Variants in TCHP observed in about 807,000 individuals in gnomAD.
TCHP encodes trichoplein keratin filament-binding protein.
Under a neutral mutation model 88.7 loss-of-function variants are expected in TCHP, and 81 were observed. The ratio of observed to expected loss-of-function variants is 0.91; its 90% confidence interval spans 0.76 to 1.10. The LOEUF (loss-of-function observed/expected upper bound fraction) is 1.10, where lower values mean the gene tolerates loss of function less well. Among genes scored for constraint, TCHP ranks in the 50% least tolerant of loss-of-function variants. The pLI is 0.00. For missense variants in TCHP, 641 were observed against 632.1 expected (o/e 1.01, Z -0.15); for synonymous variants, 232 against 232.5 (o/e 1.00, Z 0.02).
rs779075765 is a variant in TCHP at position 109,903,256 on chromosome 12, A to G, written c.188+42A>G. 6.4e-7 allele frequency: 1 copy of G among 1,571,688 alleles called. No individual in the cohort carries two copies. The highest frequency in any genetic ancestry group is 8.7e-7 in the Non-Finnish European group (1 of 1,149,720). ...TGCCGATTGGATGGAAGTGGGGACCACTTGCTGGTCAGGGGATGAGGCCTT... is the reference window on the plus strand; with the variant it reads ...TGCCGATTGGATGGAAGTGGGGACCGCTTGCTGGTCAGGGGATGAGGCCTT... On this transcript the variant is annotated intron_variant, in intron 2 of 12. Coordinates refer to ENST00000405876, the MANE Select transcript of TCHP (RefSeq NM_001143852.2). This position sits in a 1 kb window ranked among gnomAD's most constrained non-coding sequence, Gnocchi z 4.6.
In TCHP at chr12:109,914,374, A is replaced by G. The variant is rs1346672451; in HGVS notation, c.1135-68A>G. The G allele has an allele frequency of 2.3e-5, 33 of 1,464,562 alleles. No individual in the cohort carries two copies. The Admixed American group carries it at 6.3e-4, about 28-fold the overall frequency. The allele number at this position is 1,464,562 out of a possible 1,614,324, so 90.7% of individuals were successfully genotyped here. On this transcript the variant is annotated intron_variant, in intron 10 of 12. Transcript: ENST00000405876. Reference sequence around the variant, plus strand: ...GCCTTGCTGTGGCTGCAGCCTGTCCAAGGCTTGTAGAACCAGGATCTGTTA... The same window carrying G: ...GCCTTGCTGTGGCTGCAGCCTGTCCGAGGCTTGTAGAACCAGGATCTGTTA...
At chr12:109,910,770 T>C (rs1348421843) in intron 8 of TCHP, among the ~76,000 whole-genome samples, 1 of 152,230 alleles carries the variant, frequency 6.6e-6, no homozygotes. Flanking sequence ...TTTGCCAAGT[T>C]GTATTCCAAA....
chr12:109,883,724 C>T, the TCHP span, among the ~76,000 whole-genome samples: 1 of 152,212 alleles, frequency 6.6e-6, no homozygotes, highest in Non-Finnish European at 1.5e-5. Flanking sequence ...CAACACTTTC[C>T]ATTCCAAACA....
Position 109,912,828 on chromosome 12 carries a change from C to T in TCHP, c.1053-163C>T, listed in dbSNP as rs558890810. The T allele has an allele frequency of 5.5e-4, 350 of 630,912 alleles. 1 individual carries two copies. The highest frequency in any genetic ancestry group is 7.6e-4 in the Non-Finnish European group (267 of 350,454). 39.1% of individuals were successfully genotyped at this position (630,912 alleles called of 1,614,324 possible). A position where few individuals can be genotyped will look rare whatever the true frequency, so the allele number is the denominator to read the frequency against. On this transcript the variant is annotated intron_variant, in intron 9 of 12. Coordinates refer to ENST00000405876, the MANE Select transcript of TCHP (RefSeq NM_001143852.2). ...ATGAAAAACTTCCAACAGTACTTTC[C>T]GTGGATGCTGTCCTTAATTGTAATC...
chr12:109,889,030 CAAAAA>C, the TCHP span, among the ~76,000 whole-genome samples: 2 of 101,034 alleles, frequency 2.0e-5, no homozygotes, highest in Non-Finnish European at 2.1e-5. Flanking sequence ...GTCCTGTCAC[CAAAAA>C]AAAAAAAAAA....
intron 6 of TCHP, 128 bp downstream of exon 6, chr12:109,907,827 C>T (rs1044720149): frequency 7.8e-6 from 8 of 1,021,620 alleles, no homozygotes; most frequent in South Asian, 5.3e-5. Flanking sequence ...CGGCAGCAGC[C>T]GGGTTCTCCC....
Position 109,905,242 on chromosome 12 carries a change from G to A in TCHP, c.456+449G>A, listed in dbSNP as rs1029234319. On this transcript the variant is annotated intron_variant, in intron 4 of 12. Coordinates refer to ENST00000405876, the MANE Select transcript of TCHP (RefSeq NM_001143852.2). This position sits in a 1 kb window ranked among gnomAD's most constrained non-coding sequence, Gnocchi z 4.0. The stretch of plus-strand genomic sequence containing the variant: ...TGAGGAAAGGATGTTCTAGGTTGAT[G>A]TGACTGTGAGAACCAGGCTTGAGAC... Among the ~76,000 whole-genome samples, 6 of 152,216 alleles carry A rather than the reference G, an allele frequency of 3.9e-5. No individual in the cohort carries two copies. Among genetic ancestry groups the A allele is most frequent in the African/African-American group, 1.4e-4 (6 of 41,460 alleles).
chr12:109,903,265 TC>T lies in TCHP; in HGVS notation c.188+52del. On this transcript the variant is annotated intron_variant, in intron 2 of 12. Coordinates refer to ENST00000405876, the MANE Select transcript of TCHP (RefSeq NM_001143852.2). This position sits in a 1 kb window ranked among gnomAD's most constrained non-coding sequence, Gnocchi z 4.6. ...GATGGAAGTGGGGACCACTTGCTGG[TC>T]AGGGGATGAGGCCTTAAGGATTTAG... is the stretch of plus-strand genomic sequence containing the variant. 6.4e-7 allele frequency: 1 copy of T among 1,552,498 alleles called. No individual in the cohort carries two copies.
At chr12:109,915,742 G>C (rs539111946) in intron 12 of TCHP, among the ~76,000 whole-genome samples, 196 bp downstream of exon 12, 67 of 152,306 alleles carry the variant, frequency 4.4e-4, no homozygotes, top group Non-Finnish European at 7.4e-4. Flanking sequence ...TCCAGTCCTT[G>C]GTTGGGCCTC....
At chr12:109,916,314 A>C (rs946779775) in intron 12 of TCHP, among the ~76,000 whole-genome samples, 8 of 152,252 alleles carry the variant, frequency 5.3e-5, no homozygotes, top group African/African-American at 1.9e-4. Context: ...TGTCACAGTC[A>C]CAGGGAACAG....
the TCHP span, among the ~76,000 whole-genome samples, chr12:109,889,551 C>T: frequency 6.6e-6 from 1 of 152,152 alleles, no homozygotes; most frequent in African/African-American, 2.4e-5. Context: ...CTCACTCCAG[C>T]CTCTGCCTCC....
At chr12:109,899,863 G>A (rs1195452138), upstream of TCHP, among the ~76,000 whole-genome samples, 1 of 151,930 alleles carries the variant, frequency 6.6e-6, no homozygotes, top group South Asian at 2.1e-4. Flanking sequence ...CAGTGGCACA[G>A]TCATGGCTCA....
In TCHP at chr12:109,908,907, C is replaced by T. The variant is rs1426905841; in HGVS notation, c.849C>T (p.Ser283=). The stretch of plus-strand genomic sequence containing the variant: ...GACATCAGTATAACGCTCAACTCAG[C>T]AGACGCACACAGCAGATCCAAGAGG... ...FLRHQYNAQL[S]RRTQQIQEEL... is the part of the protein sequence containing the mutation. The change falls in exon 8 of 13, where the codon AGC becomes AGT. Residue 283 remains serine, a synonymous_variant. Coordinates refer to ENST00000405876, the MANE Select transcript of TCHP (RefSeq NM_001143852.2). 2 of 1,614,226 alleles carry T rather than the reference C, an allele frequency of 1.2e-6. No homozygotes were observed. The highest frequency in any genetic ancestry group is 1.3e-5 in the African/African-American group (1 of 75,062).
intron 9 of TCHP, 46 bp downstream of exon 9, chr12:109,911,281 C>CT (rs1414221608): frequency 1.8e-6 from 2 of 1,121,914 alleles, no homozygotes; most frequent in East Asian, 2.6e-5. Flanking sequence ...GGCCTCAACT[C>CT]TGATACCTTG....
chr12:109,915,316 G>C, intron 11 of TCHP, 87 bp from the exon 12 acceptor site: 2 of 1,590,066 alleles, frequency 1.3e-6, no homozygotes, highest in Non-Finnish European at 1.7e-6. Context: ...AGTCTGGGTA[G>C]GGCCGCAGGC....
rs941012236 is a variant in TCHP at position 109,907,528 on chromosome 12, A to G, written c.528A>G (p.Gln176=). Residue 176 remains glutamine, a splice_region_variant and synonymous_variant, in exon 6 of 13, where the codon CAA becomes CAG. Coordinates refer to ENST00000405876, the MANE Select transcript of TCHP (RefSeq NM_001143852.2). The part of the protein sequence containing the change: ...WEMQKEEKKQ[Q]EATAEQENKR... ...TGTGTTCATTTGGTCCCTTGTAGCA[A>G]GAAGCCACCGCAGAGCAAGAGAACA... The G allele has an allele frequency of 5.6e-6, 9 of 1,614,124 alleles. No individual in the cohort carries two copies. Among genetic ancestry groups the G allele is most frequent in the Admixed American group, 1.7e-5 (1 of 60,002 alleles).
chr12:109,909,070 C>T (rs1870333038), intron 8 of TCHP, 133 bp downstream of exon 8: 8 of 778,132 alleles, frequency 1.0e-5, no homozygotes, highest in Non-Finnish European at 1.7e-5. Flanking sequence ...AGATGTTGGT[C>T]AAAGGATACA....
chr12:109,906,124 T>C (rs1384286772), intron 4 of TCHP, among the ~76,000 whole-genome samples: 1 of 152,216 alleles, frequency 6.6e-6, no homozygotes, highest in Non-Finnish European at 1.5e-5. Context: ...CACCTACTGG[T>C]GCATCACTTG....
rs760105233 is a variant in TCHP at position 109,907,557 on chromosome 12, G to A, written c.557G>A (p.Arg186Gln). 23 of 1,614,076 alleles carry A rather than the reference G, an allele frequency of 1.4e-5. No homozygotes were observed. Among genetic ancestry groups the A allele is most frequent in the South Asian group, 7.7e-5 (7 of 91,088 alleles). ...GCCACCGCAGAGCAAGAGAACAAAC[G>A]GTATGAAAATGAATATGAAAGGGCC... is the stretch of plus-strand genomic sequence containing the variant. Reference protein sequence around the residue: ...QEATAEQENKRYENEYERARR... With the variant: ...QEATAEQENKQYENEYERARR... Residue 186 changes from arginine to glutamine, a missense_variant, in exon 6 of 13, where the codon CGG becomes CAG. Coordinates refer to ENST00000405876, the MANE Select transcript of TCHP (RefSeq NM_001143852.2).
Sources: allele counts gnomAD v4.1 joint callset (sites outside exome capture counted in the v4.1 genomes callset), GRCh38; gene constraint gnomAD v4.1.1; non-coding constraint Gnocchi (gnomAD v3.1); transcripts MANE v1.5; gene names NCBI Gene and HGNC (gene_info 2026-07-23, HGNC 2026-07-21).